The following ANO3 variants were observed in gnomAD, a reference collection of about 807,000 sequenced individuals.
ANO3 encodes the protein anoctamin-3.
ANO3 carries 99 observed loss-of-function variants against 144.8 expected under a neutral mutation model. The observed-to-expected ratio is 0.68, with a 90% CI of 0.58 to 0.81. The LOEUF is 0.81. ANO3 is among the 30% of genes least tolerant of loss of function. ANO3 has a pLI of 0.00. For missense variants in ANO3, 905 were observed against 1,202.2 expected (o/e 0.75, Z 3.66); for synonymous variants, 414 against 392.6 (o/e 1.05, Z -0.64).
intron 1 of ANO3, among the ~76,000 whole-genome samples, chr11:26,202,421 C>T (rs1851715409): frequency 2.0e-5 from 3 of 149,474 alleles, no homozygotes; most frequent in South Asian, 4.2e-4. Context: ...TTCAATGAAA[C>T]AAATTAGGCA....
intron 18 of ANO3, among the ~76,000 whole-genome samples, chr11:26,625,755 G>A (rs944996262): frequency 6.6e-6 from 1 of 152,012 alleles, no homozygotes; most frequent in Admixed American, 6.6e-5. Flanking sequence ...CAAACTAGAT[G>A]GGTTATTTTC....
chr11:26,490,191 A>G lies in ANO3; in HGVS notation c.433-17913A>G, dbSNP rs371269081. Among the ~76,000 whole-genome samples, 4 of 152,164 alleles carry G rather than the reference A, an allele frequency of 2.6e-5. No individual in the cohort carries two copies. The East Asian group carries it at 7.7e-4, about 29-fold the overall frequency. ...CTTGTGATAGTGAATAAGTCTCGTG[A>G]GATCTGATGGGTTTATCAGGGGTTT... On this transcript the variant is annotated intron_variant, in intron 4 of 26. Coordinates refer to ENST00000256737, the MANE Select transcript of ANO3 (RefSeq NM_031418.4).
At chr11:26,569,849 G>T (rs559239784) in intron 14 of ANO3, among the ~76,000 whole-genome samples, 40 of 152,140 alleles carry the variant, frequency 2.6e-4, no homozygotes, top group African/African-American at 9.6e-4. Flanking sequence ...TGCACTGTGG[G>T]GGCAGACAGA....
chr11:26,219,843 G>C (rs1040607537), intron 1 of ANO3, among the ~76,000 whole-genome samples: 3 of 152,120 alleles, frequency 2.0e-5, no homozygotes, highest in Admixed American at 2.0e-4. Flanking sequence ...AGGGTGGATG[G>C]AATCTTAAAT....
chr11:26,404,642 T>C (rs1857230831), intron 1 of ANO3, among the ~76,000 whole-genome samples: 1 of 151,784 alleles, frequency 6.6e-6, no homozygotes, highest in Non-Finnish European at 1.5e-5. Context: ...TGTATTTGTT[T>C]TGTTTGTATT....
At chr11:26,465,897 G>A (rs1340259996) in intron 4 of ANO3, among the ~76,000 whole-genome samples, 2 of 151,880 alleles carry the variant, frequency 1.3e-5, no homozygotes, top group African/African-American at 2.4e-5. Flanking sequence ...ATGTATTTAT[G>A]AGTAACTATA....
chr11:26,510,042 G>A (rs1565070093), intron 5 of ANO3, among the ~76,000 whole-genome samples: 1 of 149,874 alleles, frequency 6.7e-6, no homozygotes, highest in Non-Finnish European at 1.5e-5. Context: ...GCTGAGGCAG[G>A]AGAATCACTT....
chr11:26,223,265 G>A (rs150280999), intron 1 of ANO3, among the ~76,000 whole-genome samples: 5 of 152,232 alleles, frequency 3.3e-5, no homozygotes, highest in South Asian at 2.1e-4. Flanking sequence ...TTAAGGACAT[G>A]AACACGGACA....
chr11:26,605,873 T>TA (rs142190718), intron 17 of ANO3, among the ~76,000 whole-genome samples: 43,560 of 151,078 alleles, frequency 0.29, 6,603 homozygotes, highest in South Asian at 0.45. Flanking sequence ...GTTAATCTTT[T>TA]AAAAAAAAAC....
intron 1 of ANO3, among the ~76,000 whole-genome samples, chr11:26,350,190 G>A (rs1855607657): frequency 6.6e-6 from 1 of 152,086 alleles, no homozygotes; most frequent in African/African-American, 2.4e-5. Flanking sequence ...AATTTCTTTA[G>A]GAGGACTGTG....
At position 26,299,043 on chromosome 11, in the gene ANO3, C is replaced by T. The variant is rs563519397; in HGVS notation, c.155-10602C>T. Among the ~76,000 whole-genome samples, 5 of 152,186 alleles carry T rather than the reference C, an allele frequency of 3.3e-5. No homozygotes were observed. The South Asian group carries it at 6.2e-4, about 19-fold the overall frequency. ...CTGGAGATGTACGTTTAGGAAGTAT[C>T]GTTCTACAGAAGATGTATAAAACCA... On this transcript the variant is annotated intron_variant, in intron 1 of 27. Transcript: ENST00000672621.
Position 26,592,245 on chromosome 11 carries a change from C to T in ANO3, c.1448-6120C>T, listed in dbSNP as rs189487346. ...GCTATAGGCCACAGAGCAGGCCATG[C>T]GAGGTGGGTTTCTTAGGTTAGCTTT... is the stretch of plus-strand genomic sequence containing the variant. On this transcript the variant is annotated intron_variant, in intron 14 of 26. Transcript: ENST00000256737. 1.3e-3 allele frequency among the ~76,000 whole-genome samples: 204 copies of T among 152,042 alleles called. 1 individual carries two copies. Among genetic ancestry groups the T allele is most frequent in the Non-Finnish European group, 1.3e-3 (89 of 67,982 alleles).
intron 1 of ANO3, among the ~76,000 whole-genome samples, chr11:26,246,484 T>C (rs1052933140): frequency 1.4e-5 from 2 of 143,802 alleles, no homozygotes; most frequent in Non-Finnish European, 3.0e-5. Context: ...ATATATATTA[T>C]GAGTATAAAC....
chr11:26,625,231 A>C (rs1049947877), intron 18 of ANO3, among the ~76,000 whole-genome samples: 2 of 152,168 alleles, frequency 1.3e-5, no homozygotes, highest in African/African-American at 4.8e-5. Flanking sequence ...GGCTACTTTT[A>C]ACATTTTTAT....
At chr11:26,286,834 A>T (rs566230507) in intron 1 of ANO3, among the ~76,000 whole-genome samples, 1 of 152,336 alleles carries the variant, frequency 6.6e-6, no homozygotes, top group South Asian at 2.1e-4. Flanking sequence ...TGTTAAAACA[A>T]ACAGGGCTTA....
chr11:26,567,294 T>C (rs1034864310), intron 14 of ANO3, among the ~76,000 whole-genome samples: 24 of 151,924 alleles, frequency 1.6e-4, no homozygotes, highest in African/African-American at 5.3e-4. Flanking sequence ...TTTCATGTTT[T>C]TGAATTGAAC....
chr11:26,513,329 A>G (rs76441695), intron 5 of ANO3, among the ~76,000 whole-genome samples: 16,881 of 152,242 alleles, frequency 0.11, 1,316 homozygotes, highest in Admixed American at 0.16. Context: ...TAGGCCACTG[A>G]GGACAAGAGT....
chr11:26,577,577 A>G (rs965591597), intron 14 of ANO3, among the ~76,000 whole-genome samples: 2 of 152,074 alleles, frequency 1.3e-5, no homozygotes, highest in Non-Finnish European at 2.9e-5. Flanking sequence ...AAAAAAAAAA[A>G]AAAGAGAGAG....
chr11:26,221,721 A>C (rs541447812), intron 1 of ANO3, among the ~76,000 whole-genome samples: 17 of 135,404 alleles, frequency 1.3e-4, no homozygotes, highest in Non-Finnish European at 2.4e-4. Context: ...AAGGTGATGC[A>C]AGAGCAGGTA....
Sources: gnomAD v4.1 joint callset for allele counts (sites outside exome capture counted in the v4.1 genomes callset) on GRCh38, gnomAD v4.1.1 for gene constraint, MANE v1.5 for transcripts, NCBI Gene and HGNC (gene_info 2026-07-23, HGNC 2026-07-21) for gene names.